The following ZNF438 variants were observed in gnomAD, a reference collection of about 807,000 sequenced individuals.
ZNF438 encodes zinc finger protein 438.
ZNF438 carries 25 observed loss-of-function variants against 38.0 expected under a neutral mutation model. The observed-to-expected ratio is 0.66, with a 90% confidence interval of 0.48 to 0.92. The LOEUF (loss-of-function observed/expected upper bound fraction) is 0.92, where lower values mean the gene tolerates loss of function less well. ZNF438 is among the 40% of genes least tolerant of loss of function. ZNF438 has a pLI of 0.00. For missense variants in ZNF438, 1,007 were observed against 999.6 expected (o/e 1.01, Z -0.10); for synonymous variants, 372 against 364.1 (o/e 1.02, Z -0.25).
At chr10:30,872,087 G>A (rs2133468859) in intron 4 of ZNF438, among the ~76,000 whole-genome samples, 1 of 152,230 alleles carries the variant, frequency 6.6e-6, no homozygotes, top group East Asian at 1.9e-4. Flanking sequence ...CTGTAAGGCT[G>A]ACAAGTGACT....
chr10:30,913,889 T>C (rs2043317729), intron 2 of ZNF438, among the ~76,000 whole-genome samples: 1 of 152,162 alleles, frequency 6.6e-6, no homozygotes, highest in South Asian at 2.1e-4. Context: ...ATGTTCGGTA[T>C]ACAGGTGATG....
Position 30,959,042 on chromosome 10 carries a change from T to G in ZNF438, c.-191-17391A>C, listed in dbSNP as rs1035954248. Among the ~76,000 whole-genome samples the G allele has an allele frequency of 2.3e-4, 34 of 147,508 alleles. 5 individuals are homozygous for G. Among genetic ancestry groups the G allele is most frequent in the African/African-American group, 8.2e-4 (34 of 41,236 alleles). ...GCCAAGAGCAATTACATACAAGTCT[T>G]TGTGTGAACATATGTTTTCATTTCT... On this transcript the variant is annotated intron_variant, in intron 1 of 5. Coordinates refer to ENST00000413025, the Ensembl canonical transcript of ZNF438.
chr10:31,016,046 A>G (rs1290983474), intron 1 of ZNF438, among the ~76,000 whole-genome samples: 1 of 152,236 alleles, frequency 6.6e-6, no homozygotes, highest in South Asian at 2.1e-4. Flanking sequence ...GGACATAACT[A>G]GTCCACAGTG....
intron 1 of ZNF438, among the ~76,000 whole-genome samples, chr10:30,951,221 A>G (rs1169997526): frequency 2.0e-5 from 3 of 151,544 alleles, no homozygotes; most frequent in African/African-American, 7.3e-5. Flanking sequence ...AAAACTCTCA[A>G]TAAATTAGGT....
intron 3 of ZNF438, among the ~76,000 whole-genome samples, chr10:30,879,022 CAG>C (rs1479399518): frequency 2.0e-5 from 3 of 152,062 alleles, no homozygotes; most frequent in Non-Finnish European, 4.4e-5. Context: ...CAGATCCTTG[CAG>C]AGATTTCCAG....
chr10:31,032,385 G>C (rs998335715), upstream of ZNF438, among the ~76,000 whole-genome samples: 1 of 151,118 alleles, frequency 6.6e-6, no homozygotes, highest in Non-Finnish European at 1.5e-5. Context: ...TCCCCGGCTC[G>C]ACGCGGCTCC....
chr10:30,857,384 A>T (rs959339700), intron 4 of ZNF438, among the ~76,000 whole-genome samples: 1 of 151,632 alleles, frequency 6.6e-6, no homozygotes, highest in African/African-American at 2.4e-5. Flanking sequence ...CCTCCCGAGT[A>T]GCTGGGATCA....
Position 30,986,137 on chromosome 10 carries a change from T to C in ZNF438, c.-191-44486A>G, listed in dbSNP as rs76484765. 6.6e-3 allele frequency among the ~76,000 whole-genome samples: 998 copies of C among 152,292 alleles called. 12 individuals are homozygous for C. Among genetic ancestry groups the C allele is most frequent in the African/African-American group, 0.022 (934 of 41,562 alleles). On this transcript the variant is annotated intron_variant, in intron 1 of 5. Coordinates refer to ENST00000413025, the Ensembl canonical transcript of ZNF438. ...TATAGATTCATATCAGTACACTCTATGATACTTTCACAATGACAAAATCAC... is the reference window on the plus strand; with the variant it reads ...TATAGATTCATATCAGTACACTCTACGATACTTTCACAATGACAAAATCAC...
At chr10:30,885,344 T>C (rs1280183103) in intron 3 of ZNF438, among the ~76,000 whole-genome samples, 2 of 152,226 alleles carry the variant, frequency 1.3e-5, no homozygotes, top group Non-Finnish European at 2.9e-5. Flanking sequence ...GATTTTAAAA[T>C]GTAACAGGTT....
chr10:30,884,838 C>T (rs542493064), intron 3 of ZNF438, among the ~76,000 whole-genome samples: 1 of 152,334 alleles, frequency 6.6e-6, no homozygotes, highest in East Asian at 1.9e-4. Flanking sequence ...AAGGCAGACA[C>T]TGCTTTGTCT....
intron 1 of ZNF438, among the ~76,000 whole-genome samples, chr10:30,947,551 G>A (rs555634571): frequency 7.2e-5 from 11 of 152,360 alleles, no homozygotes; most frequent in South Asian, 2.1e-4. Flanking sequence ...GGTGGGCTCC[G>A]CCCAGTTGGA....
At chr10:30,930,258 G>A (rs912556384) in intron 2 of ZNF438, among the ~76,000 whole-genome samples, 13 of 152,092 alleles carry the variant, frequency 8.5e-5, no homozygotes, top group African/African-American at 2.2e-4. Flanking sequence ...ATTCAAGCAC[G>A]ACGTGGGTGG....
intron 1 of ZNF438, among the ~76,000 whole-genome samples, chr10:30,950,739 T>A (rs1355657552): frequency 7.2e-6 from 1 of 138,898 alleles, no homozygotes; most frequent in Non-Finnish European, 1.6e-5. Context: ...CAGGATCTGA[T>A]ACTGTGGCAA....
At chr10:31,007,995 A>C (rs979852071) in intron 1 of ZNF438, among the ~76,000 whole-genome samples, 1 of 152,216 alleles carries the variant, frequency 6.6e-6, no homozygotes, top group Non-Finnish European at 1.5e-5. Flanking sequence ...TGACACATTC[A>C]CTTATTGCTA....
At chr10:30,901,051 G>A (rs1460077331) in intron 3 of ZNF438, among the ~76,000 whole-genome samples, 2 of 152,150 alleles carry the variant, frequency 1.3e-5, no homozygotes. Flanking sequence ...TAGCTTTGCT[G>A]TTTGGTATTT....
At chr10:30,969,052 T>G (rs143452318) in intron 1 of ZNF438, among the ~76,000 whole-genome samples, 3 of 152,254 alleles carry the variant, frequency 2.0e-5, no homozygotes, top group African/African-American at 7.2e-5. Context: ...TGTGACACAT[T>G]TAAAATATGG....
intron 2 of ZNF438, chr10:30,921,103 C>T (rs2044247121): frequency 6.6e-6 from 1 of 152,190 alleles, no homozygotes; most frequent in South Asian, 2.1e-4. Flanking sequence ...CAAGCAAACA[C>T]CATGCCCAAG....
chr10:31,024,627 CAA>C (rs372984714), intron 1 of ZNF438, among the ~76,000 whole-genome samples: 3 of 128,308 alleles, frequency 2.3e-5, no homozygotes, highest in Non-Finnish European at 3.4e-5. Flanking sequence ...GACTCTGTCT[CAA>C]AAAAAAAAAA....
At chr10:31,024,463 A>G (rs1377692963) in intron 1 of ZNF438, among the ~76,000 whole-genome samples, 1 of 152,018 alleles carries the variant, frequency 6.6e-6, no homozygotes, top group Non-Finnish European at 1.5e-5. Context: ...CGCCTCTACT[A>G]AAAAAATACA....
Sources: allele counts gnomAD v4.1 joint callset (sites outside exome capture counted in the v4.1 genomes callset), GRCh38; gene constraint gnomAD v4.1.1; transcripts MANE v1.5; gene names NCBI Gene and HGNC (gene_info 2026-07-23, HGNC 2026-07-21).